SDK1: variants seen among roughly 807,000 people sequenced by gnomAD.
The protein encoded by SDK1 is sidekick cell adhesion molecule 1.
In SDK1, 157 loss-of-function variants were observed where a neutral mutation model predicts 245.5. The observed-to-expected ratio is 0.64, with a 90% CI of 0.56 to 0.73. The LOEUF (loss-of-function observed/expected upper bound fraction) is 0.73, where lower values mean the gene tolerates loss of function less well. Ranked by LOEUF, SDK1 falls within the 30% of genes least tolerant of loss-of-function variation. The probability of loss-of-function intolerance (pLI) is 0.00; values close to 1 mark genes in which losing one functional copy is unlikely to be tolerated. For missense variants in SDK1, 3,583 were observed against 3,002.3 expected, an observed-to-expected ratio of 1.19 and a Z score of -4.52; for synonymous variants, 1,647 against 1,278.5, an observed-to-expected ratio of 1.29 and a Z score of -6.15.
At position 3,400,998 on chromosome 7, in the gene SDK1, G is replaced by T. The variant is rs1191880793; in HGVS notation, c.298+99114G>T. ...ATGAGAAGGGAAGGGACAGCAGCCA[G>T]TGCCAGTTCGAGATGAGTAGTCATC... is the stretch of plus-strand genomic sequence containing the variant. On this transcript the variant is annotated intron_variant, in intron 1 of 44. Coordinates refer to ENST00000404826, the MANE Select transcript of SDK1 (RefSeq NM_152744.4). Among the ~76,000 whole-genome samples, 3 of 152,172 alleles carry T rather than the reference G, an allele frequency of 2.0e-5. No individual in the cohort carries two copies. The East Asian group carries it at 5.8e-4, about 29-fold the overall frequency.
chr7:3,463,496 G>C, intron 1 of SDK1, among the ~76,000 whole-genome samples: 1 of 152,140 alleles, frequency 6.6e-6, no homozygotes, highest in Middle Eastern at 3.4e-3. Context: ...GTTAAATAGG[G>C]ATAATAATTA....
intron 1 of SDK1, among the ~76,000 whole-genome samples, chr7:3,469,960 A>C (rs1169323820): frequency 6.6e-6 from 1 of 152,174 alleles, no homozygotes; most frequent in Non-Finnish European, 1.5e-5. Flanking sequence ...TCTGGCATGA[A>C]GGAATATTTT....
chr7:3,370,384 T>G, intron 1 of SDK1, among the ~76,000 whole-genome samples: 1 of 152,234 alleles, frequency 6.6e-6, no homozygotes, highest in East Asian at 1.9e-4. Context: ...TTGTTCTTTA[T>G]AAGTCTGTAT....
At chr7:3,740,472 T>C (rs1221660367) in intron 4 of SDK1, among the ~76,000 whole-genome samples, 1 of 152,226 alleles carries the variant, frequency 6.6e-6, no homozygotes, top group Non-Finnish European at 1.5e-5. Context: ...GCCCTAGGGA[T>C]AGGGCTTTTT....
intron 4 of SDK1, among the ~76,000 whole-genome samples, chr7:3,657,824 C>T (rs1562636177): frequency 6.6e-6 from 1 of 152,202 alleles, no homozygotes; most frequent in Admixed American, 6.5e-5. Flanking sequence ...AGTCTTATCA[C>T]ACCAATTTTG....
intron 31 of SDK1, among the ~76,000 whole-genome samples, chr7:4,160,594 G>A (rs57050713): frequency 0.017 from 2,665 of 152,306 alleles, 76 homozygotes; most frequent in African/African-American, 0.06. Flanking sequence ...CGGCAAGATA[G>A]GGAGAGTCCT....
chr7:4,156,198 C>T (rs759396078), intron 30 of SDK1, among the ~76,000 whole-genome samples: 14 of 152,126 alleles, frequency 9.2e-5, no homozygotes, highest in Non-Finnish European at 1.9e-4. Flanking sequence ...TCTGCTGCCT[C>T]CTGGTACAGG....
intron 4 of SDK1, among the ~76,000 whole-genome samples, chr7:3,746,540 G>A (rs1411274412): frequency 6.6e-6 from 1 of 152,220 alleles, no homozygotes; most frequent in African/African-American, 2.4e-5. Context: ...TCCTGCTGCT[G>A]CTTTATCAAC....
At chr7:4,102,954 T>TAAAAAAAA (rs34174910) in intron 22 of SDK1, among the ~76,000 whole-genome samples, 1 of 113,240 alleles carries the variant, frequency 8.8e-6, no homozygotes. Context: ...TAAAAAAAGT[T>TAAAAAAAA]AAAAAAAAAA....
chr7:3,905,001 A>AT lies in SDK1; in HGVS notation c.848-45922_848-45921insT, dbSNP rs1165476620. Among the ~76,000 whole-genome samples the AT allele has an allele frequency of 9.6e-3, 1,333 of 138,150 alleles. 21 individuals carry two copies. Among genetic ancestry groups the AT allele is most frequent in the African/African-American group, 0.037 (1,165 of 31,750 alleles). The allele number at this position is 138,150 out of a possible 152,430, so 90.6% of individuals were successfully genotyped here. ...GAGCGAGACTCCGTCTCAAAAAAAA[A>AT]AAAAAAAATAATAATAATAAAACCT... On this transcript the variant is annotated intron_variant, in intron 5 of 44. Coordinates refer to ENST00000404826, the MANE Select transcript of SDK1 (RefSeq NM_152744.4).
rs763196985 is a variant in SDK1, at chr7:4,194,207, G to GAT, written c.5099-11663_5099-11662dup. 4.1e-4 allele frequency among the ~76,000 whole-genome samples: 62 copies of GAT among 151,338 alleles called. 1 individual carries two copies. The highest frequency in any genetic ancestry group is 1.2e-3 in the African/African-American group (49 of 40,954). On this transcript the variant is annotated intron_variant, in intron 35 of 44. Coordinates refer to ENST00000404826, the MANE Select transcript of SDK1 (RefSeq NM_152744.4). Reference sequence around the variant, plus strand: ...AACTAATAGGAGAGAGAGCGAGAGAGATATATATATGTATACACGTATGTG... The same window carrying GAT: ...AACTAATAGGAGAGAGAGCGAGAGAGATATATATATATGTATACACGTATGTG...
intron 31 of SDK1, among the ~76,000 whole-genome samples, chr7:4,160,290 C>T (rs17134425): frequency 0.034 from 5,208 of 152,280 alleles, 312 homozygotes; most frequent in African/African-American, 0.12. Context: ...ATGTCATTGT[C>T]GTAATCTCTC....
chr7:3,570,420 C>T (rs114725270), intron 1 of SDK1, among the ~76,000 whole-genome samples: 1 of 152,116 alleles, frequency 6.6e-6, no homozygotes, highest in African/African-American at 2.4e-5. Flanking sequence ...CCACTGCTCA[C>T]CTCCTGCTGT....
At chr7:3,815,597 C>T (rs900341470) in intron 4 of SDK1, among the ~76,000 whole-genome samples, 35 of 148,666 alleles carry the variant, frequency 2.4e-4, no homozygotes, top group East Asian at 1.0e-3. Flanking sequence ...TGTCTCTGCC[C>T]GGCTTTGGTA....
At position 3,953,901 on chromosome 7, in the gene SDK1, C is replaced by G. The variant is rs545685088; in HGVS notation, c.1150+1981C>G. ...TGTGGTTGGCGCACACTGCAAAAAC[C>G]CTGAAGAGAGTGTCTGTGTCAATTC... On this transcript the variant is annotated intron_variant, in intron 7 of 44. Transcript: ENST00000404826. 3.9e-5 allele frequency among the ~76,000 whole-genome samples: 6 copies of G among 152,162 alleles called. No homozygotes were observed. The East Asian group carries it at 1.2e-3, about 29-fold the overall frequency.
chr7:3,485,608 G>A (rs1781659840), intron 1 of SDK1, among the ~76,000 whole-genome samples: 1 of 143,292 alleles, frequency 7.0e-6, no homozygotes, highest in African/African-American at 2.6e-5. Flanking sequence ...CTGATTTTTA[G>A]CTGTTATGAA....
At chr7:3,517,487 A>G (rs956903543) in intron 1 of SDK1, among the ~76,000 whole-genome samples, 3 of 152,124 alleles carry the variant, frequency 2.0e-5, no homozygotes, top group Admixed American at 6.5e-5. Flanking sequence ...CTTCCTGGCA[A>G]TACTCAACAC....
intron 1 of SDK1, among the ~76,000 whole-genome samples, chr7:3,412,398 T>C (rs1029943931): frequency 1.3e-5 from 2 of 152,246 alleles, no homozygotes; most frequent in African/African-American, 4.8e-5. Context: ...AACATGTTTC[T>C]TGGAGCTGAC....
intron 4 of SDK1, among the ~76,000 whole-genome samples, chr7:3,683,308 G>T (rs967666787): frequency 2.0e-5 from 3 of 152,274 alleles, no homozygotes; most frequent in Admixed American, 6.5e-5. Context: ...CTTAATAAAT[G>T]AATAATTATT....
Sources: allele counts gnomAD v4.1 joint callset (sites outside exome capture counted in the v4.1 genomes callset), GRCh38; gene constraint gnomAD v4.1.1; transcripts MANE v1.5; gene names NCBI Gene and HGNC (gene_info 2026-07-23, HGNC 2026-07-21).